The following ST18 variants were observed in gnomAD, a reference collection of about 807,000 sequenced individuals.
The protein encoded by ST18 is suppression of tumorigenicity 18 protein.
Under a neutral mutation model 110.0 loss-of-function variants are expected in ST18, and 50 were observed. The ratio of observed to expected loss-of-function variants is 0.45; its 90% confidence interval spans 0.36 to 0.58. The LOEUF (loss-of-function observed/expected upper bound fraction) is 0.58, where lower values mean the gene tolerates loss of function less well. ST18 is among the 20% of genes least tolerant of loss of function. The probability of loss-of-function intolerance (pLI) is 0.00; values close to 1 mark genes in which losing one functional copy is unlikely to be tolerated. For synonymous variants in ST18, 461 were observed against 452.4 expected (o/e 1.02, Z -0.24); for missense variants, 1,306 against 1,280.1 (o/e 1.02, Z -0.31).
chr8:52,193,050 C>G (rs1226619801), intron 8 of ST18, among the ~76,000 whole-genome samples: 1 of 152,134 alleles, frequency 6.6e-6, no homozygotes, highest in African/African-American at 2.4e-5. Context: ...CCAAACTTGT[C>G]AGCAAATCAA....
At chr8:52,395,567 G>A (rs968706627) in intron 2 of ST18, among the ~76,000 whole-genome samples, 2 of 152,150 alleles carry the variant, frequency 1.3e-5, no homozygotes, top group Admixed American at 6.6e-5. Context: ...AAGCTTCCAC[G>A]GTTAGAGAGA....
chr8:52,133,737 T>TATTATG (rs1483959643), intron 19 of ST18, among the ~76,000 whole-genome samples: 1 of 148,046 alleles, frequency 6.8e-6, no homozygotes, highest in Non-Finnish European at 1.5e-5. Context: ...TTATTATTAT[T>TATTATG]ATTGTTATTA....
intron 8 of ST18, 144 bp from the exon 9 acceptor site, chr8:52,180,456 C>A (rs2068960406): frequency 1.3e-5 from 10 of 798,188 alleles, no homozygotes; most frequent in Middle Eastern, 2.6e-4. Flanking sequence ...ACAAAAACAT[C>A]CCATCTGTGG....
chr8:52,384,642 C>T (rs1420287989), intron 2 of ST18, among the ~76,000 whole-genome samples: 2 of 152,238 alleles, frequency 1.3e-5, no homozygotes, highest in African/African-American at 2.4e-5. Context: ...CCTCCCCCGC[C>T]CTCCTAACAG....
chr8:52,340,845 C>T (rs1814631725), intron 2 of ST18, among the ~76,000 whole-genome samples: 1 of 152,188 alleles, frequency 6.6e-6, no homozygotes, highest in Non-Finnish European at 1.5e-5. Flanking sequence ...AAACAAAAAA[C>T]CGCGAAGTGC....
intron 2 of ST18, among the ~76,000 whole-genome samples, chr8:52,291,332 A>G (rs2095553039): frequency 2.0e-5 from 3 of 152,208 alleles, no homozygotes; most frequent in Admixed American, 2.0e-4. Flanking sequence ...GCACTGGCAC[A>G]CAGGACAAGC....
intron 2 of ST18, among the ~76,000 whole-genome samples, chr8:52,249,788 G>A (rs965370118): frequency 1.3e-5 from 2 of 152,034 alleles, no homozygotes; most frequent in African/African-American, 2.4e-5. Flanking sequence ...TAGAGCAGGT[G>A]GAGATGAATT....
In ST18 at chr8:52,180,113, C is replaced by T; in HGVS notation, c.277+9G>A. 1 of 1,613,302 alleles carries T rather than the reference C, an allele frequency of 6.2e-7. No individual in the cohort carries two copies. The highest frequency in any genetic ancestry group is 8.5e-7 in the Non-Finnish European group (1 of 1,179,412). On this transcript the variant is annotated intron_variant, in intron 9 of 25. Coordinates refer to ENST00000689386, the MANE Select transcript of ST18 (RefSeq NM_001352837.2). ...GAGCAGGTAAAGTTTGGGCTCTCCTCCTTGCTACCTGCGGTAGAGTGACCA... is the reference window on the plus strand; with the variant it reads ...GAGCAGGTAAAGTTTGGGCTCTCCTTCTTGCTACCTGCGGTAGAGTGACCA...
At chr8:52,240,482 A>T (rs753019) in intron 2 of ST18, among the ~76,000 whole-genome samples, 32,014 of 151,966 alleles carry the variant, frequency 0.21, 3,635 homozygotes, top group African/African-American at 0.29. Flanking sequence ...CTTCTGGTTT[A>T]ACAGGAAGAA....
intron 19 of ST18, among the ~76,000 whole-genome samples, chr8:52,136,022 C>T (rs2052101011): frequency 1.3e-5 from 2 of 151,694 alleles, no homozygotes; most frequent in Admixed American, 6.6e-5. Flanking sequence ...TTGTTCTATA[C>T]GTAATATAAT....
At chr8:52,206,613 G>A (rs1033406681) in intron 8 of ST18, 1 of 152,202 alleles carries the variant, frequency 6.6e-6, no homozygotes, top group Non-Finnish European at 1.5e-5. Context: ...ACACCCTGGA[G>A]GGACACTTCT....
chr8:52,167,625 G>A (rs1025465368), intron 10 of ST18, among the ~76,000 whole-genome samples: 5 of 152,222 alleles, frequency 3.3e-5, no homozygotes, highest in Admixed American at 6.5e-5. Flanking sequence ...CAGTGAGCAC[G>A]GGGAAGAAGC....
intron 2 of ST18, among the ~76,000 whole-genome samples, chr8:52,363,410 A>G (rs1019311664): frequency 6.6e-6 from 1 of 152,086 alleles, no homozygotes; most frequent in African/African-American, 2.4e-5. Flanking sequence ...AGTCTTTCAC[A>G]TGTTCAGCCT....
At chr8:52,339,727 C>G (rs1813971801) in intron 2 of ST18, among the ~76,000 whole-genome samples, 1 of 152,232 alleles carries the variant, frequency 6.6e-6, no homozygotes, top group Non-Finnish European at 1.5e-5. Context: ...TCCTCGTGGC[C>G]ACACAAAGGG....
chr8:52,257,615 A>G (rs78601857), intron 2 of ST18, among the ~76,000 whole-genome samples: 13,002 of 151,880 alleles, frequency 0.086, 612 homozygotes, highest in East Asian at 0.16. Flanking sequence ...GCTTTTACCC[A>G]GTTTTAAGTT....
chr8:52,304,215 G>A (rs1223507470), intron 2 of ST18, among the ~76,000 whole-genome samples: 1 of 152,132 alleles, frequency 6.6e-6, no homozygotes, highest in Non-Finnish European at 1.5e-5. Flanking sequence ...CAATCTGTAT[G>A]TTTAAAATAA....
intron 8 of ST18, among the ~76,000 whole-genome samples, chr8:52,211,659 A>G (rs2885071): frequency 1 from 151,469 of 152,068 alleles, 75,435 homozygotes; most frequent in Middle Eastern, 1. Context: ...TGCTCACCTC[A>G]GCCTGGAATC....
At chr8:52,188,074 G>T (rs765250231) in intron 8 of ST18, among the ~76,000 whole-genome samples, 1 of 152,046 alleles carries the variant, frequency 6.6e-6, no homozygotes, top group African/African-American at 2.4e-5. Context: ...TATCAATGTC[G>T]TAAGTTTTAA....
intron 2 of ST18, among the ~76,000 whole-genome samples, chr8:52,339,806 T>C (rs1221569729): frequency 6.6e-6 from 1 of 152,260 alleles, no homozygotes; most frequent in Non-Finnish European, 1.5e-5. Flanking sequence ...AGTTCTATTT[T>C]AGTTATTTGG....
Sources: allele counts gnomAD v4.1 joint callset (sites outside exome capture counted in the v4.1 genomes callset), GRCh38; gene constraint gnomAD v4.1.1; transcripts MANE v1.5; gene names NCBI Gene and HGNC (gene_info 2026-07-23, HGNC 2026-07-21).